The following FTO variants were observed in gnomAD, a reference collection of about 807,000 sequenced individuals.
The protein encoded by FTO is FTO alpha-ketoglutarate dependent dioxygenase, also known as alpha-ketoglutarate-dependent dioxygenase FTO.
In FTO, 47 loss-of-function variants were observed where a neutral mutation model predicts 63.9. The observed-to-expected ratio is 0.74, with a 90% CI of 0.58 to 0.94. FTO has a LOEUF of 0.94. Ranked by LOEUF, FTO falls within the 40% of genes least tolerant of loss-of-function variation. The pLI is 0.00. For missense variants in FTO, 562 were observed against 618.1 expected, an observed-to-expected ratio of 0.91 and a Z score of 0.96; for synonymous variants, 207 against 224.4, an observed-to-expected ratio of 0.92 and a Z score of 0.69.
At chr16:54,013,741 T>G (rs572600873) in intron 8 of FTO, among the ~76,000 whole-genome samples, 4 of 152,350 alleles carry the variant, frequency 2.6e-5, no homozygotes, top group Non-Finnish European at 5.9e-5. Flanking sequence ...CAATCGAGTA[T>G]TTTTAAGTAT....
intron 8 of FTO, 152 bp downstream of exon 8, chr16:53,934,261 C>T: frequency 2.7e-6 from 2 of 744,884 alleles, no homozygotes; most frequent in Admixed American, 2.1e-5. Flanking sequence ...GTTAGCTTTC[C>T]TGCCCACGGC....
chr16:54,104,460 G>A (rs2144607565), intron 8 of FTO, among the ~76,000 whole-genome samples: 1 of 152,024 alleles, frequency 6.6e-6, no homozygotes, highest in Non-Finnish European at 1.5e-5. Context: ...TTATAGGCGT[G>A]CACCACCACA....
intron 8 of FTO, among the ~76,000 whole-genome samples, chr16:54,099,171 A>G (rs1468071676): frequency 6.6e-6 from 1 of 152,182 alleles, no homozygotes; most frequent in East Asian, 1.9e-4. Flanking sequence ...CAGTAATTGC[A>G]TCAAATTGGA....
intron 1 of FTO, among the ~76,000 whole-genome samples, chr16:53,752,079 T>G (rs752475326): frequency 6.6e-6 from 1 of 152,220 alleles, no homozygotes; most frequent in Non-Finnish European, 1.5e-5. Flanking sequence ...TGGCATTATT[T>G]GTAGTGGCAG....
At chr16:53,827,790 G>A (rs896587072) in intron 3 of FTO, among the ~76,000 whole-genome samples, 1 of 152,194 alleles carries the variant, frequency 6.6e-6, no homozygotes, top group South Asian at 2.1e-4. Context: ...TGGAAAGAAC[G>A]GAGATCCTCT....
chr16:53,934,270 G>A (rs776687456), intron 8 of FTO, among the ~76,000 whole-genome samples, 161 bp downstream of exon 8: 1 of 152,116 alleles, frequency 6.6e-6, no homozygotes. Context: ...CCTGCCCACG[G>A]CACCTACATT....
chr16:53,815,248 C>T (rs1487863448), intron 2 of FTO, among the ~76,000 whole-genome samples: 2 of 152,166 alleles, frequency 1.3e-5, no homozygotes, highest in African/African-American at 4.8e-5. Context: ...ATTCTTTCTA[C>T]AAGGCTCTTC....
At chr16:53,829,134 C>T (rs1232807557) in intron 3 of FTO, among the ~76,000 whole-genome samples, 1 of 152,208 alleles carries the variant, frequency 6.6e-6, no homozygotes, top group African/African-American at 2.4e-5. Context: ...TCGTGATCTG[C>T]ATGCCTTGGT....
At chr16:54,086,164 G>A (rs2086250814) in intron 8 of FTO, among the ~76,000 whole-genome samples, 1 of 152,038 alleles carries the variant, frequency 6.6e-6, no homozygotes, top group South Asian at 2.1e-4. Context: ...CTTAACCTGG[G>A]CAAAATCCTA....
upstream of FTO, chr16:53,704,031 G>T: frequency 1.2e-6 from 1 of 831,598 alleles, no homozygotes; most frequent in East Asian, 2.7e-5. Flanking sequence ...CGCGGGTGTC[G>T]CCGCGGTGCA....
intron 1 of FTO, among the ~76,000 whole-genome samples, chr16:53,716,873 A>G (rs1184016396): frequency 6.6e-6 from 1 of 150,774 alleles, no homozygotes; most frequent in East Asian, 1.9e-4. Flanking sequence ...TGCTTAGAAT[A>G]TTGTTATTAT....
chr16:53,939,143 G>A (rs1397247649), intron 8 of FTO, among the ~76,000 whole-genome samples: 1 of 152,020 alleles, frequency 6.6e-6, no homozygotes, highest in Admixed American at 6.6e-5. Context: ...TCGTAATACA[G>A]GCCTCACCCA....
chr16:54,069,466 C>T (rs1050555261), intron 8 of FTO, among the ~76,000 whole-genome samples: 7 of 151,992 alleles, frequency 4.6e-5, no homozygotes, highest in African/African-American at 1.5e-4. Context: ...CAAGCAAATA[C>T]TAATAATATT....
At chr16:53,892,564 A>G (rs1279743955) in intron 7 of FTO, among the ~76,000 whole-genome samples, 1 of 152,184 alleles carries the variant, frequency 6.6e-6, no homozygotes, top group East Asian at 1.9e-4. Context: ...CATTTTAGAC[A>G]AATGATTCTT....
At chr16:53,715,618 G>A (rs191602782) in intron 1 of FTO, among the ~76,000 whole-genome samples, 25 of 152,238 alleles carry the variant, frequency 1.6e-4, no homozygotes, top group Admixed American at 1.1e-3. Flanking sequence ...AGGCATATCC[G>A]CTCCGCCTCT....
At chr16:53,798,711 C>T (rs1389669897) in intron 1 of FTO, among the ~76,000 whole-genome samples, 3 of 152,074 alleles carry the variant, frequency 2.0e-5, no homozygotes, top group East Asian at 1.9e-4. Flanking sequence ...GACATTTTTA[C>T]CTTTTAAAAA....
chr16:53,796,231 A>T (rs1429542989), intron 1 of FTO, among the ~76,000 whole-genome samples: 7 of 151,836 alleles, frequency 4.6e-5, no homozygotes, highest in Admixed American at 2.0e-4. Flanking sequence ...TTTAGTAGAG[A>T]TGGGGTTTTG....
chr16:53,909,469 A>G (rs992002806), intron 7 of FTO, among the ~76,000 whole-genome samples: 2 of 150,776 alleles, frequency 1.3e-5, no homozygotes, highest in African/African-American at 2.4e-5. Context: ...GTGCCTTGAA[A>G]GGTGAATTAG....
intron 1 of FTO, among the ~76,000 whole-genome samples, chr16:53,729,774 T>C (rs2076233070): frequency 6.6e-6 from 1 of 152,108 alleles, no homozygotes; most frequent in Admixed American, 6.5e-5. Context: ...TCCTCCCTTC[T>C]CATTGGCACC....
Sources: allele counts gnomAD v4.1 joint callset (sites outside exome capture counted in the v4.1 genomes callset), GRCh38; gene constraint gnomAD v4.1.1; transcripts MANE v1.5; gene names NCBI Gene and HGNC (gene_info 2026-07-23, HGNC 2026-07-21).